The following NCAM2 variants were observed in gnomAD, a reference collection of about 807,000 sequenced individuals.
NCAM2 encodes the protein N-CAM-2.
In NCAM2, 30 loss-of-function variants were observed where a neutral mutation model predicts 98.1. The observed-to-expected ratio is 0.31, with a 90% CI of 0.23 to 0.41. The LOEUF (loss-of-function observed/expected upper bound fraction) is 0.41, where lower values mean the gene tolerates loss of function less well. NCAM2 is among the 10% of genes least tolerant of loss of function. The pLI, the probability that NCAM2 is intolerant of heterozygous loss-of-function variation, is 1.00. For synonymous variants in NCAM2, 368 were observed against 342.4 expected (o/e 1.07, Z -0.83); for missense variants, 867 against 1,005.8 (o/e 0.86, Z 1.87).
At chr21:21,288,819 A>G (rs1488330690) in intron 4 of NCAM2, among the ~76,000 whole-genome samples, 1 of 151,974 alleles carries the variant, frequency 6.6e-6, no homozygotes, top group Non-Finnish European at 1.5e-5. Context: ...AGTAAAATAT[A>G]GATATTCCAG....
chr21:21,334,346 T>C (rs1175737685), intron 6 of NCAM2, among the ~76,000 whole-genome samples: 1 of 152,220 alleles, frequency 6.6e-6, no homozygotes, highest in Non-Finnish European at 1.5e-5. Context: ...CAATAAATTC[T>C]ATTGAGTATA....
intron 1 of NCAM2, among the ~76,000 whole-genome samples, chr21:21,221,136 A>C (rs942177224): frequency 6.6e-6 from 1 of 152,180 alleles, no homozygotes; most frequent in Non-Finnish European, 1.5e-5. Context: ...AACTGCACTC[A>C]TATAAGACGG....
chr21:21,115,615 TTCTGATTACAG>T (rs982409044), intron 1 of NCAM2, among the ~76,000 whole-genome samples: 14 of 152,294 alleles, frequency 9.2e-5, no homozygotes, highest in African/African-American at 2.9e-4. Flanking sequence ...TTGTCTTTGT[TTCTGATTACAG>T]TCTTTTAAGA....
Position 21,542,708 on chromosome 21 carries a change from TAAG to T in NCAM2, c.*4755_*4757del, listed in dbSNP as rs1455371932. Reference sequence around the variant, plus strand: ...ACTGAATTGCTATATTTGGAATAGCTAAGAAGGACCTGACTTTGAGAAGTGCTA... The same window carrying T: ...ACTGAATTGCTATATTTGGAATAGCTAAGGACCTGACTTTGAGAAGTGCTA... On this transcript the variant is annotated 3_prime_UTR_variant, in exon 18 of 18. Coordinates refer to ENST00000400546, the MANE Select transcript of NCAM2 (RefSeq NM_004540.5). The T allele has an allele frequency of 4.0e-5, 6 of 151,814 alleles. No individual in the cohort carries two copies. Among genetic ancestry groups the T allele is most frequent in the Non-Finnish European group, 7.4e-5 (5 of 67,836 alleles). The allele number at this position is 151,814 out of a possible 1,614,324, so 9.4% of individuals were successfully genotyped here.
At chr21:21,259,482 C>A (rs1221044327) in intron 1 of NCAM2, among the ~76,000 whole-genome samples, 2 of 151,430 alleles carry the variant, frequency 1.3e-5, no homozygotes, top group Non-Finnish European at 3.0e-5. Flanking sequence ...TACACCTCAA[C>A]ACAATTTCCC....
intron 1 of NCAM2, among the ~76,000 whole-genome samples, chr21:21,120,707 A>AT (rs2066653928): frequency 7.2e-6 from 1 of 139,358 alleles, no homozygotes; most frequent in African/African-American, 2.6e-5. Flanking sequence ...ATGTTTATTT[A>AT]TTTTTTTGTG....
chr21:21,416,640 T>C (rs903427038), intron 10 of NCAM2, among the ~76,000 whole-genome samples: 1 of 151,920 alleles, frequency 6.6e-6, no homozygotes, highest in Non-Finnish European at 1.5e-5. Context: ...AGTGGGTGTT[T>C]ATCAGTAGAT....
At chr21:21,455,797 CAT>C (rs891951961) in intron 12 of NCAM2, among the ~76,000 whole-genome samples, 14 of 151,738 alleles carry the variant, frequency 9.2e-5, no homozygotes, top group African/African-American at 3.1e-4. Flanking sequence ...CAGAAAGAAA[CAT>C]AAATGTTTCC....
At chr21:21,225,825 G>T (rs2070359307) in intron 1 of NCAM2, among the ~76,000 whole-genome samples, 2 of 151,892 alleles carry the variant, frequency 1.3e-5, no homozygotes, top group South Asian at 4.2e-4. Flanking sequence ...CTTATCTATT[G>T]TCATACGTAG....
chr21:21,102,490 T>A (rs959771792), intron 1 of NCAM2, among the ~76,000 whole-genome samples: 2 of 151,996 alleles, frequency 1.3e-5, no homozygotes, highest in African/African-American at 4.8e-5. Context: ...GGTGAATTGA[T>A]CATTCATAAA....
intron 1 of NCAM2, among the ~76,000 whole-genome samples, chr21:21,019,724 G>A (rs1452507105): frequency 6.6e-6 from 1 of 152,156 alleles, no homozygotes; most frequent in Non-Finnish European, 1.5e-5. Context: ...TAAAATGTCA[G>A]AATGTTTATC....
At chr21:21,185,882 T>G (rs1601594449) in intron 1 of NCAM2, among the ~76,000 whole-genome samples, 1 of 152,284 alleles carries the variant, frequency 6.6e-6, no homozygotes, top group East Asian at 1.9e-4. Flanking sequence ...GTGTAATATA[T>G]AGTTCCATTA....
chr21:21,366,743 A>C (rs570920492), intron 8 of NCAM2, among the ~76,000 whole-genome samples: 2 of 152,070 alleles, frequency 1.3e-5, no homozygotes, highest in African/African-American at 4.8e-5. Context: ...CAAGTACTAG[A>C]GAATAGTGTC....
chr21:21,397,152 T>C (rs2076527908), intron 9 of NCAM2, among the ~76,000 whole-genome samples: 2 of 152,132 alleles, frequency 1.3e-5, no homozygotes, highest in Admixed American at 6.5e-5. Flanking sequence ...CGGGGTTTTA[T>C]GGGCTCAGAG....
chr21:21,468,818 T>C (rs921193787), intron 14 of NCAM2, 35 bp downstream of exon 14: 4 of 1,567,520 alleles, frequency 2.6e-6, no homozygotes, highest in Non-Finnish European at 3.5e-6. Context: ...TCATGCTAGG[T>C]TTTTTCAAAT....
At chr21:21,267,319 A>C (rs2072320625) in intron 1 of NCAM2, among the ~76,000 whole-genome samples, 1 of 152,202 alleles carries the variant, frequency 6.6e-6, no homozygotes, top group East Asian at 1.9e-4. Flanking sequence ...TTACTAAGGC[A>C]ATAGACTGTT....
chr21:21,072,600 A>G (rs1188018089), intron 1 of NCAM2, among the ~76,000 whole-genome samples: 3 of 152,126 alleles, frequency 2.0e-5, no homozygotes, highest in African/African-American at 7.2e-5. Context: ...CCATCTACAA[A>G]GGGAAATGGA....
intron 1 of NCAM2, among the ~76,000 whole-genome samples, chr21:21,206,180 G>A (rs2069430565): frequency 6.6e-6 from 1 of 152,022 alleles, no homozygotes; most frequent in South Asian, 2.1e-4. Flanking sequence ...ATAGAATGAT[G>A]GTTAACTTGG....
Position 21,010,004 on chromosome 21 carries a change from C to T in NCAM2, c.55+11386C>T, listed in dbSNP as rs555072915. 7.3e-5 allele frequency among the ~76,000 whole-genome samples: 11 copies of T among 151,150 alleles called. No individual in the cohort carries two copies. In the South Asian group the frequency reaches 2.3e-3, roughly 32 times the overall value. On this transcript the variant is annotated intron_variant, in intron 1 of 17. Transcript: ENST00000400546. ...TTGGACGGAGTACATTTTTGGATACCCCAGAAAATCTTTATCACCTATTTA... is the reference window on the plus strand; with the variant it reads ...TTGGACGGAGTACATTTTTGGATACTCCAGAAAATCTTTATCACCTATTTA...
Sources: allele counts gnomAD v4.1 joint callset (sites outside exome capture counted in the v4.1 genomes callset), GRCh38; gene constraint gnomAD v4.1.1; transcripts MANE v1.5; gene names NCBI Gene and HGNC (gene_info 2026-07-23, HGNC 2026-07-21).